Variants in SLC2A5 observed in about 807,000 individuals in gnomAD.
The protein encoded by SLC2A5 is solute carrier family 2, facilitated glucose transporter member 5.
In SLC2A5, 56 loss-of-function variants were observed where a neutral mutation model predicts 50.3. The ratio of observed to expected loss-of-function variants is 1.11; its 90% CI spans 0.90 to 1.39. SLC2A5 has a LOEUF of 1.39. Among genes scored for constraint, SLC2A5 ranks in the 40% most tolerant of loss-of-function variants. The pLI is 0.00. For synonymous variants in SLC2A5, 269 were observed against 281.9 expected, an observed-to-expected ratio of 0.95 and a Z score of 0.46; for missense variants, 566 against 650.1, an observed-to-expected ratio of 0.87 and a Z score of 1.41.
chr1:9,052,023 C>T (rs1641590595), intron 3 of SLC2A5, among the ~76,000 whole-genome samples: 4 of 152,302 alleles, frequency 2.6e-5, no homozygotes, highest in Middle Eastern at 3.4e-3. Context: ...CGGTGGCTCA[C>T]GCCTGTAATC....
At position 9,041,853 on chromosome 1, in the gene SLC2A5, A is replaced by T; in HGVS notation, c.503T>A (p.Leu168His). 2 of 1,614,018 alleles carry T rather than the reference A, an allele frequency of 1.2e-6. No homozygotes were observed. Among genetic ancestry groups the T allele is most frequent in the South Asian group, 2.2e-5 (2 of 91,070 alleles). Reference protein sequence around the residue: ...LRGALGVVPQLFITVGILVAQ... With the variant: ...LRGALGVVPQHFITVGILVAQ... ...CACAAGGATGCCAACAGTGATGAAG[A>T]GCTGGGGCACCACCCCGAGAGCCCC... The change falls in exon 5 of 12, where the codon CTC (leucine) becomes CAC (histidine). Residue 168 changes from leucine (L) to histidine (H), a missense_variant. Transcript: ENST00000377424.
At chr1:9,065,983 AG>A (rs1642071240) in intron 1 of SLC2A5, among the ~76,000 whole-genome samples, 1 of 152,166 alleles carries the variant, frequency 6.6e-6, no homozygotes, top group African/African-American at 2.4e-5. Flanking sequence ...ATACCACCAC[AG>A]GAATAAATGA....
upstream of SLC2A5, among the ~76,000 whole-genome samples, chr1:9,088,833 C>T (rs965050698): frequency 6.6e-6 from 1 of 152,142 alleles, no homozygotes; most frequent in African/African-American, 2.4e-5. Context: ...AGTCAAGCCA[C>T]TCCTGCCAGT....
In SLC2A5 at chr1:9,039,960, G is replaced by C. The variant is rs140582852; in HGVS notation, c.725C>G (p.Ser242Cys). The C allele has an allele frequency of 6.2e-7, 1 of 1,612,518 alleles. No individual in the cohort carries two copies. The highest frequency in any genetic ancestry group is 8.5e-7 in the Non-Finnish European group (1 of 1,179,564). Residue 242 changes from serine to cysteine, a missense_variant, in exon 7 of 12, where the codon TCT becomes TGT. Coordinates refer to ENST00000377424, the MANE Select transcript of SLC2A5 (RefSeq NM_003039.3). ...GATCTCGGCCACCTCCCTGTCCACAGAGTCCCAGCCGCGCAGCGTCTGTAG... is the reference window on the plus strand; with the variant it reads ...GATCTCGGCCACCTCCCTGTCCACACAGTCCCAGCCGCGCAGCGTCTGTAG... ...KALQTLRGWD[S>C]VDREVAEIRQ...
At chr1:9,062,787 G>T (rs181500206) in intron 1 of SLC2A5, among the ~76,000 whole-genome samples, 2 of 152,136 alleles carry the variant, frequency 1.3e-5, no homozygotes, top group Admixed American at 6.5e-5. Context: ...CAGGAGAATC[G>T]CTTGAACCTG....
At chr1:9,078,114 G>A (rs751246096) in intron 2 of SLC2A5, among the ~76,000 whole-genome samples, 4 of 152,112 alleles carry the variant, frequency 2.6e-5, no homozygotes, top group Non-Finnish European at 4.4e-5. Context: ...CCGCTTTTAG[G>A]CCATATAGGG....
upstream of SLC2A5, among the ~76,000 whole-genome samples, chr1:9,092,386 G>A (rs1054108663): frequency 3.9e-5 from 6 of 151,950 alleles, no homozygotes; most frequent in Non-Finnish European, 1.5e-5. Context: ...TTCCACACTA[G>A]CCATTTCCCT....
Position 9,062,367 on chromosome 1 carries a change from AG to A in SLC2A5, c.34-4118del, listed in dbSNP as rs979494732. Among the ~76,000 whole-genome samples the A allele has an allele frequency of 5.3e-4, 81 of 152,286 alleles. 1 individual carries two copies. Among genetic ancestry groups the A allele is most frequent in the African/African-American group, 1.9e-3 (77 of 41,564 alleles). ...AAGGAGAAGAGAGTGATTCAGAGAGAGGGAACAGCATGTGGGAAGGCCTGAG... is the reference window on the plus strand; with the variant it reads ...AAGGAGAAGAGAGTGATTCAGAGAGAGGAACAGCATGTGGGAAGGCCTGAG... On this transcript the variant is annotated intron_variant, in intron 1 of 11. Transcript: ENST00000377424.
intron 2 of SLC2A5, 93 bp downstream of exon 2, chr1:9,058,059 C>A (rs551529771): frequency 1.1e-6 from 1 of 870,952 alleles, no homozygotes; most frequent in South Asian, 1.4e-5. Flanking sequence ...CTTCAGGACC[C>A]ACTGCGTGAA....
At chr1:9,064,394 G>A (rs1642029796) in intron 1 of SLC2A5, among the ~76,000 whole-genome samples, 2 of 152,016 alleles carry the variant, frequency 1.3e-5, no homozygotes, top group Admixed American at 6.6e-5. Flanking sequence ...GCCGTGACCG[G>A]GAGGGTCTCT....
At position 9,063,765 on chromosome 1, in the gene SLC2A5, G is replaced by A. The variant is rs1349756547; in HGVS notation, c.34-5515C>T. Among the ~76,000 whole-genome samples the A allele has an allele frequency of 5.6e-4, 62 of 110,540 alleles. 1 individual carries two copies. Among genetic ancestry groups the A allele is most frequent in the African/African-American group, 2.4e-3 (57 of 23,532 alleles). The allele number at this position is 110,540 out of a possible 152,430, so 72.5% of individuals were successfully genotyped here. On this transcript the variant is annotated intron_variant, in intron 1 of 11. Transcript: ENST00000377424. ...GGCTGGAGTGCAGTGGCGCGATCTC[G>A]GCTCACTGCAAGCTCCGCCTCCCGG...
rs747010390 is a variant in SLC2A5, at chr1:9,039,629, C to T, written c.919G>A (p.Ala307Thr). The T allele has an allele frequency of 4.5e-6, 7 of 1,563,026 alleles. No homozygotes were observed. In the Admixed American group the frequency reaches 5.7e-5, roughly 13 times the overall value. ...TGCACGTGCTCCTCCGGCACGCCGG[C>T]GCTCAGGTAGATCTGGTCCGCGTAG... ...YYYADQIYLSAGVPEEHVQYV... is the reference protein window; with the variant it reads ...YYYADQIYLSTGVPEEHVQYV... The change falls in exon 8 of 12, where the codon GCC becomes ACC. Residue 307 changes from alanine to threonine, a missense_variant. Physicochemically the swap from Ala to Thr is moderately conservative, Grantham distance 58. Coordinates refer to ENST00000377424, the MANE Select transcript of SLC2A5 (RefSeq NM_003039.3).
upstream of SLC2A5, chr1:9,072,409 T>C (rs1236319351): frequency 6.6e-6 from 1 of 151,604 alleles, no homozygotes; most frequent in Non-Finnish European, 1.5e-5. Context: ...AAATTAAAAA[T>C]TAAAGTTCCA....
intron 3 of SLC2A5, among the ~76,000 whole-genome samples, chr1:9,049,940 C>T (rs1262106249): frequency 6.6e-6 from 1 of 151,882 alleles, no homozygotes; most frequent in Non-Finnish European, 1.5e-5. Context: ...AGTTCCAGAC[C>T]AGCCTGGGCA....
At chr1:9,091,896 G>A (rs964394496), upstream of SLC2A5, among the ~76,000 whole-genome samples, 2 of 152,004 alleles carry the variant, frequency 1.3e-5, no homozygotes, top group African/African-American at 4.8e-5. Flanking sequence ...AGCAGAACTA[G>A]TTGCCCTAAT....
chr1:9,091,395 C>G (rs1569932487), upstream of SLC2A5, among the ~76,000 whole-genome samples: 1 of 152,196 alleles, frequency 6.6e-6, no homozygotes, highest in Non-Finnish European at 1.5e-5. Context: ...AACTGGACCC[C>G]GTTTATAAAA....
intron 3 of SLC2A5, among the ~76,000 whole-genome samples, chr1:9,049,703 G>GAAA (rs35784062): frequency 7.3e-6 from 1 of 136,456 alleles, no homozygotes; most frequent in Non-Finnish European, 1.6e-5. Flanking sequence ...TCTGTCTAAA[G>GAAA]AAAAAAAAAA....
rs959196431 is a variant in SLC2A5, at chr1:9,039,761, G to A, written c.885+39C>T. ...CCAGGACCTGCGCCCCGCGCCCCCCGAGCCCTCCCCAGCTCCCGAGCCGCA... is the reference window on the plus strand; with the variant it reads ...CCAGGACCTGCGCCCCGCGCCCCCCAAGCCCTCCCCAGCTCCCGAGCCGCA... On this transcript the variant is annotated intron_variant, in intron 7 of 11. Transcript: ENST00000377424. The A allele has an allele frequency of 7.7e-6, 9 of 1,165,648 alleles. No individual in the cohort carries two copies. In the East Asian group the frequency reaches 1.9e-4, roughly 25 times the overall value. The allele number at this position is 1,165,648 out of a possible 1,614,324, so 72.2% of individuals were successfully genotyped here.
chr1:9,059,777 T>A (rs1049315205), intron 1 of SLC2A5, among the ~76,000 whole-genome samples: 4 of 151,660 alleles, frequency 2.6e-5, no homozygotes, highest in Admixed American at 2.6e-4. Context: ...CAAGCGATCC[T>A]CCTGCCTCAG....
Sources: allele counts gnomAD v4.1 joint callset (sites outside exome capture counted in the v4.1 genomes callset), GRCh38; gene constraint gnomAD v4.1.1; transcripts MANE v1.5; gene names NCBI Gene and HGNC (gene_info 2026-07-23, HGNC 2026-07-21).